GLRA2: variants seen among roughly 807,000 people sequenced by gnomAD.
GLRA2 encodes glycine receptor subunit alpha-2.
GLRA2 carries 11 observed loss-of-function variants against 31.6 expected under a neutral mutation model. That is an observed-to-expected ratio of 0.35 (90% CI 0.22 to 0.58). GLRA2 has a LOEUF of 0.58. GLRA2 is among the 20% of genes least tolerant of loss of function. The pLI, the probability that GLRA2 is intolerant of heterozygous loss-of-function variation, is 0.84. For missense variants in GLRA2, 212 were observed against 351.8 expected, an observed-to-expected ratio of 0.60 and a Z score of 3.18; for synonymous variants, 132 against 134.0, an observed-to-expected ratio of 0.99 and a Z score of 0.10.
chrX:14,599,586 A>G (rs1053888118), intron 4 of GLRA2, among the ~76,000 whole-genome samples: 5 of 112,362 alleles, frequency 4.4e-5, no homozygotes, highest in Non-Finnish European at 9.4e-5. Context: ...CCAAACTCAT[A>G]TTTAAAAAAT....
At chrX:14,604,234 C>G (rs1423531698) in intron 4 of GLRA2, 81 bp from the exon 5 acceptor site, 5 of 546,777 alleles carry the variant, frequency 9.1e-6, no homozygotes, top group Non-Finnish European at 1.5e-5. Flanking sequence ...TTGCTTAATG[C>G]CAAGTGTATT....
intron 3 of GLRA2, among the ~76,000 whole-genome samples, chrX:14,578,404 G>C (rs1026099346): frequency 8.9e-6 from 1 of 111,794 alleles, no homozygotes; most frequent in South Asian, 3.7e-4. Flanking sequence ...ACACATTTGT[G>C]TTACTCTAAG....
intron 7 of GLRA2, among the ~76,000 whole-genome samples, chrX:14,679,985 G>C (rs1030913063): frequency 1.8e-5 from 2 of 112,077 alleles, no homozygotes; most frequent in African/African-American, 6.5e-5. Flanking sequence ...AATGTTTTCT[G>C]TAAAGAGCCA....
chrX:14,532,992 C>T (rs1247585818), intron 2 of GLRA2, among the ~76,000 whole-genome samples: 1 of 110,968 alleles, frequency 9.0e-6, no homozygotes, highest in African/African-American at 3.3e-5. Context: ...AGAAGCAAAC[C>T]AATATTTTTT....
At chrX:14,719,232 T>C (rs765302920) in intron 8 of GLRA2, among the ~76,000 whole-genome samples, 2 of 111,950 alleles carry the variant, frequency 1.8e-5, no homozygotes, top group African/African-American at 3.3e-5. Flanking sequence ...GGGTGAAACA[T>C]TGATTACAGG....
chrX:14,572,757 T>TA (rs2089900384), intron 2 of GLRA2, among the ~76,000 whole-genome samples: 1 of 111,947 alleles, frequency 8.9e-6, no homozygotes, highest in South Asian at 3.7e-4. Flanking sequence ...ATATATTTTT[T>TA]AAAATCACAA....
At chrX:14,560,910 A>C (rs951208444) in intron 2 of GLRA2, among the ~76,000 whole-genome samples, 1 of 110,806 alleles carries the variant, frequency 9.0e-6, no homozygotes, top group Non-Finnish European at 1.9e-5. Context: ...AACATTAACA[A>C]GTGTTTTAAA....
At chrX:14,699,132 C>G (rs2091496975) in intron 8 of GLRA2, among the ~76,000 whole-genome samples, 1 of 112,129 alleles carries the variant, frequency 8.9e-6, no homozygotes. Flanking sequence ...GCTGATGCCC[C>G]AGGTCTATGC....
At chrX:14,483,843 T>G in the GLRA2 span, among the ~76,000 whole-genome samples, 1 of 111,602 alleles carries the variant, frequency 9.0e-6, no homozygotes, top group Non-Finnish European at 1.9e-5. Context: ...CAGACCCACC[T>G]TTAATCTGGG....
Position 14,606,168 on chromosome X carries a change from A to T in GLRA2, c.578-963A>T, listed in dbSNP as rs754298484. On this transcript the variant is annotated intron_variant, in intron 5 of 8. Transcript: ENST00000218075. ...AATCCATAAACTTAAAAAAAAAAAAAAAAAACATGCTGAGGATTTTGGCCA... is the reference window on the plus strand; with the variant it reads ...AATCCATAAACTTAAAAAAAAAAAATAAAAACATGCTGAGGATTTTGGCCA... Among the ~76,000 whole-genome samples, 14 of 109,783 alleles carry T rather than the reference A, an allele frequency of 1.3e-4. No homozygotes were observed. The East Asian group carries it at 2.3e-3, about 18-fold the overall frequency.
the GLRA2 span, among the ~76,000 whole-genome samples, chrX:14,507,296 T>G: frequency 8.9e-6 from 1 of 112,487 alleles, no homozygotes; most frequent in Non-Finnish European, 1.9e-5. Flanking sequence ...CTGATTAATT[T>G]TATGAGTCTT....
At chrX:14,557,735 G>C (rs935530767) in intron 2 of GLRA2, among the ~76,000 whole-genome samples, 2 of 111,622 alleles carry the variant, frequency 1.8e-5, no homozygotes, top group African/African-American at 6.5e-5. Context: ...TGTGGGAGAA[G>C]TGGTGCTACT....
intron 8 of GLRA2, 88 bp from the exon 9 acceptor site, chrX:14,730,119 T>G: frequency 1.4e-6 from 1 of 704,107 alleles, no homozygotes; most frequent in Non-Finnish European, 2.2e-6. Flanking sequence ...AACTGTGATT[T>G]ATCCTTTTAC....
intron 7 of GLRA2, among the ~76,000 whole-genome samples, chrX:14,627,743 G>T (rs898841929): frequency 5.4e-5 from 6 of 111,615 alleles, no homozygotes; most frequent in Non-Finnish European, 1.1e-4. Flanking sequence ...TCATTGGAGA[G>T]AATCTGAAGG....
chrX:14,449,000 C>T, the GLRA2 span, among the ~76,000 whole-genome samples: 1 of 111,766 alleles, frequency 8.9e-6, no homozygotes, highest in Non-Finnish European at 1.9e-5. Flanking sequence ...ACCCCGCCAC[C>T]CCACCCGCTG....
intron 7 of GLRA2, among the ~76,000 whole-genome samples, chrX:14,646,136 A>G (rs2090829515): frequency 1.8e-5 from 2 of 112,362 alleles, no homozygotes. Context: ...TTAATGCTTA[A>G]CACAACCCCA....
At chrX:14,678,490 T>C (rs1352713611) in intron 7 of GLRA2, among the ~76,000 whole-genome samples, 1 of 110,814 alleles carries the variant, frequency 9.0e-6, no homozygotes, top group Non-Finnish European at 1.9e-5. Context: ...AAACCCAGGA[T>C]TGCTTTACAG....
At chrX:14,508,569 G>A in the GLRA2 span, among the ~76,000 whole-genome samples, 2 of 111,518 alleles carry the variant, frequency 1.8e-5, no homozygotes, top group East Asian at 5.6e-4. Context: ...ACACAGGAGG[G>A]ACACTGTGCC....
At chrX:14,669,111 C>T (rs1306930034) in intron 7 of GLRA2, among the ~76,000 whole-genome samples, 1 of 112,241 alleles carries the variant, frequency 8.9e-6, no homozygotes, top group African/African-American at 3.2e-5. Flanking sequence ...GCTACAGGCC[C>T]CATGCAAGTC....
Sources: allele counts gnomAD v4.1 joint callset (sites outside exome capture counted in the v4.1 genomes callset), GRCh38; gene constraint gnomAD v4.1.1; transcripts MANE v1.5; gene names NCBI Gene and HGNC (gene_info 2026-07-23, HGNC 2026-07-21).